SPEN: variants seen among roughly 807,000 people sequenced by gnomAD.
The protein encoded by SPEN is spen family transcriptional repressor.
SPEN carries 18 observed loss-of-function variants against 269.9 expected under a neutral mutation model. That is an observed-to-expected ratio of 0.07 (90% confidence interval 0.05 to 0.10). SPEN has a LOEUF of 0.10. Among genes scored for constraint, SPEN ranks in the 10% least tolerant of loss-of-function variants. The pLI is 1.00. For missense variants in SPEN, 3,822 were observed against 4,631.2 expected, an observed-to-expected ratio of 0.83 and a Z score of 5.07; for synonymous variants, 1,726 against 1,765.7, an observed-to-expected ratio of 0.98 and a Z score of 0.56.
intron 3 of SPEN, among the ~76,000 whole-genome samples, chr1:15,907,600 T>G (rs1395865066): frequency 6.6e-6 from 1 of 152,194 alleles, no homozygotes; most frequent in African/African-American, 2.4e-5. Flanking sequence ...GAAACTACCC[T>G]GGGTCTTTTC....
At chr1:15,924,607 C>T (rs772254611) in intron 10 of SPEN, among the ~76,000 whole-genome samples, 15 of 152,190 alleles carry the variant, frequency 9.9e-5, no homozygotes, top group Middle Eastern at 3.4e-3. Context: ...ATTACAGGCA[C>T]GCACCACCAG....
At chr1:15,938,147 G>A (rs2071296699) in intron 13 of SPEN, 141 bp downstream of exon 13, 1 of 803,326 alleles carries the variant, frequency 1.2e-6, no homozygotes, top group Non-Finnish European at 1.9e-6. Flanking sequence ...TCTGTCGCCT[G>A]GGCTGGAGTG....
Position 15,935,031 on chromosome 1 carries a change from G to A in SPEN, c.8791G>A (p.Val2931Ile), listed in dbSNP as rs749577014. The change falls in exon 11 of 15, where the codon GTT becomes ATT. Residue 2931 changes from valine to isoleucine, a missense_variant. This residue lies in a region of SPEN where 20 missense variants were observed against 60.7 expected (regional missense o/e 0.33). Coordinates refer to ENST00000375759, the MANE Select transcript of SPEN (RefSeq NM_015001.3). The surrounding 1 kb of genome is among the most constrained non-coding windows in gnomAD (Gnocchi z 7.7). The stretch of plus-strand genomic sequence containing the variant: ...TGTCACCCAGGGAGGCACAGTGAAG[G>A]TTCTCACCCAGGGGATCAACACACC... Reference protein sequence around the residue: ...TPVTQGGTVKVLTQGINTPPV... With the variant: ...TPVTQGGTVKILTQGINTPPV... 3 of 1,613,880 alleles carry A rather than the reference G, an allele frequency of 1.9e-6. No homozygotes were observed. The highest frequency in any genetic ancestry group is 3.3e-5 in the Admixed American group (2 of 59,988).
At chr1:15,898,557 T>C (rs948458816) in intron 3 of SPEN, among the ~76,000 whole-genome samples, 7 of 138,240 alleles carry the variant, frequency 5.1e-5, no homozygotes, top group Non-Finnish European at 9.8e-5. Flanking sequence ...TTTCTTTTTT[T>C]CTTTTTTTTT....
intron 13 of SPEN, among the ~76,000 whole-genome samples, chr1:15,938,354 G>C (rs554746102): frequency 6.6e-6 from 1 of 152,220 alleles, no homozygotes; most frequent in Non-Finnish European, 1.5e-5. Flanking sequence ...GACCTCAAGT[G>C]ATCTGGCTGC....
At position 15,935,811 on chromosome 1, in the gene SPEN, G is replaced by A. The variant is rs144045976; in HGVS notation, c.9571G>A (p.Val3191Met). ...TGAGTACCGACTGCACCCCTATACT[G>A]TGCCACGGGATGTGAGGATCATGGT... ...QSEYRLHPYT[V>M]PRDVRIMVHP... The change falls in exon 11 of 15, where the codon GTG (valine) becomes ATG (methionine). Residue 3191 changes from valine to methionine, a missense_variant. Physicochemically the swap from Val to Met is conservative, Grantham distance 21. This residue lies in a region of SPEN where 153 missense variants were observed against 228.5 expected (regional missense o/e 0.67). Transcript: ENST00000375759. This position sits in a 1 kb window ranked among gnomAD's most constrained non-coding sequence, Gnocchi z 7.7. The A allele has an allele frequency of 3.8e-4, 617 of 1,613,882 alleles. No individual in the cohort carries two copies. The highest frequency in any genetic ancestry group is 4.8e-4 in the Non-Finnish European group (572 of 1,180,008).
chr1:15,907,941 T>G (rs569333614), intron 3 of SPEN, among the ~76,000 whole-genome samples: 16 of 152,316 alleles, frequency 1.1e-4, no homozygotes, highest in South Asian at 4.1e-4. Context: ...CATTTCCTTC[T>G]TGTCCTTCAG....
At chr1:15,904,210 G>A (rs1385397405) in intron 3 of SPEN, among the ~76,000 whole-genome samples, 1 of 151,942 alleles carries the variant, frequency 6.6e-6, no homozygotes, top group Non-Finnish European at 1.5e-5. Flanking sequence ...GAGCGCGGTG[G>A]CTTATGCCTG....
chr1:15,934,157 G>A lies in SPEN; in HGVS notation c.7917G>A (p.Leu2639=). Residue 2639 remains leucine (L), a synonymous_variant, in exon 11 of 15, where the codon TTG becomes TTA. Coordinates refer to ENST00000375759, the MANE Select transcript of SPEN (RefSeq NM_015001.3). The surrounding 1 kb of genome is among the most constrained non-coding windows in gnomAD (Gnocchi z 9.2). ...IDLENSQKIT[L]AKPAPQTLTG... is the part of the protein sequence containing the mutation. The stretch of plus-strand genomic sequence containing the variant: ...TGGAAAATTCACAGAAGATAACCTT[G>A]GCAAAACCAGCTCCTCAAACCCTCA... 4 of 1,614,164 alleles carry A rather than the reference G, an allele frequency of 2.5e-6. No individual in the cohort carries two copies. In the African/African-American group the frequency reaches 4.0e-5, roughly 16 times the overall value.
chr1:15,935,637 G>A lies in SPEN; in HGVS notation c.9397G>A (p.Ala3133Thr). The change falls in exon 11 of 15, where the codon GCC (alanine) becomes ACC (threonine). Residue 3133 changes from alanine to threonine, a missense_variant. By Grantham distance (58) the Ala-to-Thr change is moderately conservative. Around this residue, in one of 16 missense-constraint regions of SPEN, gnomAD observed 153 missense variants for 228.5 expected, o/e 0.67. Coordinates refer to ENST00000375759, the MANE Select transcript of SPEN (RefSeq NM_015001.3). The surrounding 1 kb of genome is among the most constrained non-coding windows in gnomAD (Gnocchi z 7.7). ...PLQPQQIEVR[A>T]PQRASTPQPA... ...GCAGCCCCAGCAAATAGAGGTCAGGGCCCCACAGCGTGCCAGCACCCCGCA... is the reference window on the plus strand; with the variant it reads ...GCAGCCCCAGCAAATAGAGGTCAGGACCCCACAGCGTGCCAGCACCCCGCA... 1 of 1,614,084 alleles carries A rather than the reference G, an allele frequency of 6.2e-7. No homozygotes were observed. The highest frequency in any genetic ancestry group is 8.5e-7 in the Non-Finnish European group (1 of 1,179,996).
rs762328348 is a variant in SPEN at position 15,935,334 on chromosome 1, G to A, written c.9094G>A (p.Gly3032Arg). 8.7e-6 allele frequency: 14 copies of A among 1,613,876 alleles called. No individual in the cohort carries two copies. Among genetic ancestry groups the A allele is most frequent in the African/African-American group, 1.3e-5 (1 of 74,848 alleles). Residue 3032 changes from glycine (G) to arginine (R), a missense_variant, in exon 11 of 15, where the codon GGG (glycine) becomes AGG (arginine). Transcript: ENST00000375759. The surrounding 1 kb of genome is among the most constrained non-coding windows in gnomAD (Gnocchi z 7.7). ...TCATTCTCCTCGACCAAGTGGACCC[G>A]GGCCATCCTCATTCCCAAGGGCAAG... The part of the protein sequence containing the change: ...DAHSPRPSGP[G>R]PSSFPRASHP...
chr1:15,849,765 AGTATC>A (rs2070315057), intron 1 of SPEN, among the ~76,000 whole-genome samples: 1 of 152,008 alleles, frequency 6.6e-6, no homozygotes, highest in Non-Finnish European at 1.5e-5. Flanking sequence ...CTTCTCCTCG[AGTATC>A]GTCAGTGTTT....
rs2148728281 is a variant in SPEN at position 15,909,398 on chromosome 1, C to T, written c.959C>T (p.Ser320Phe). 6.2e-7 allele frequency: 1 copy of T among 1,614,182 alleles called. No homozygotes were observed. The highest frequency in any genetic ancestry group is 8.5e-7 in the Non-Finnish European group (1 of 1,180,028). ...TCTGCAGCAGTCCCTGCACCCACTTCCCAGTTGCTTTCATCTCTGGAAAAA... is the reference window on the plus strand; with the variant it reads ...TCTGCAGCAGTCCCTGCACCCACTTTCCAGTTGCTTTCATCTCTGGAAAAA... ...VQSAAVPAPT[S>F]QLLSSLEKDE... The change falls in exon 4 of 15, where the codon TCC (serine) becomes TTC (phenylalanine). Residue 320 changes from serine (S) to phenylalanine (F), a missense_variant. Physicochemically the swap from Ser to Phe is radical, Grantham distance 155. Transcript: ENST00000375759.
chr1:15,860,710 C>T (rs752506794), intron 1 of SPEN, among the ~76,000 whole-genome samples: 10 of 151,524 alleles, frequency 6.6e-5, no homozygotes, highest in Non-Finnish European at 1.2e-4. Flanking sequence ...TCAAGCGATT[C>T]CCCTGCCTCA....
Position 15,932,911 on chromosome 1 carries a change from A to G in SPEN, c.6671A>G (p.Asn2224Ser), listed in dbSNP as rs765138549. The change falls in exon 11 of 15, where the codon AAT (asparagine) becomes AGT (serine). Residue 2224 changes from asparagine (N) to serine (S), a missense_variant. Physicochemically the swap from Asn to Ser is conservative, Grantham distance 46. Around this residue, in one of 16 missense-constraint regions of SPEN, gnomAD observed 727 missense variants for 737.9 expected, o/e 0.99. Transcript: ENST00000375759. The surrounding 1 kb of genome is among the most constrained non-coding windows in gnomAD (Gnocchi z 4.2). ...GCTGCGGCCATCGGCTCCATCATCA[A>G]TGACATTTCTGGGGAGCCAGAAAAC... ...ELAAAIGSII[N>S]DISGEPENFP... The G allele has an allele frequency of 2.1e-5, 34 of 1,614,140 alleles. No homozygotes were observed. Among genetic ancestry groups the G allele is most frequent in the Middle Eastern group, 3.3e-4 (2 of 6,084 alleles).
At chr1:15,863,008 A>G (rs1299334481) in intron 1 of SPEN, among the ~76,000 whole-genome samples, 2 of 151,874 alleles carry the variant, frequency 1.3e-5, no homozygotes, top group African/African-American at 4.8e-5. Flanking sequence ...TGGTCTGCCT[A>G]CCTCAGCCTC....
chr1:15,919,677 T>C (rs767983426), intron 8 of SPEN, among the ~76,000 whole-genome samples, 160 bp downstream of exon 8: 4 of 152,248 alleles, frequency 2.6e-5, no homozygotes, highest in Admixed American at 6.5e-5. Flanking sequence ...TTTGCATCTG[T>C]TGCCTTAAGT....
chr1:15,933,379 C>T lies in SPEN; in HGVS notation c.7139C>T (p.Ala2380Val), dbSNP rs140445242. 1.2e-6 allele frequency: 2 copies of T among 1,614,022 alleles called. No homozygotes were observed. Among genetic ancestry groups the T allele is most frequent in the African/African-American group, 2.7e-5 (2 of 74,918 alleles). ...NEGTTVQHPE[A>V]PQEEKQSEKP... ...GGGACAACAGTACAGCACCCCGAAG[C>T]CCCACAGGAAGAAAAGCAGAGTGAG... Residue 2380 changes from alanine to valine, a missense_variant, in exon 11 of 15, where the codon GCC becomes GTC. Around this residue, in one of 16 missense-constraint regions of SPEN, gnomAD observed 727 missense variants for 737.9 expected, o/e 0.99. Transcript: ENST00000375759. The surrounding 1 kb of genome is among the most constrained non-coding windows in gnomAD (Gnocchi z 5.7).
At chr1:15,872,675 G>A (rs372727168) in intron 1 of SPEN, 141 bp from the exon 2 acceptor site, 1 of 518,562 alleles carries the variant, frequency 1.9e-6, no homozygotes, top group Non-Finnish European at 3.3e-6. Context: ...AAAACGTTAA[G>A]TGTAAAAGAG....
Sources: gnomAD v4.1 joint callset for allele counts (sites outside exome capture counted in the v4.1 genomes callset) on GRCh38, gnomAD v4.1.1 for gene constraint, gnomAD v4.1.1 regional missense constraint, Gnocchi (gnomAD v3.1) non-coding constraint, MANE v1.5 for transcripts, NCBI Gene and HGNC (gene_info 2026-07-23, HGNC 2026-07-21) for gene names.